Variants in CYP4A11 observed in about 807,000 individuals in gnomAD.
CYP4A11 encodes the protein cytochrome P450 family 4 subfamily A member 11.
A neutral mutation model predicts 57.7 loss-of-function variants in CYP4A11; 52 were observed. That is an observed-to-expected ratio of 0.90 (90% confidence interval 0.72 to 1.14). CYP4A11 has a LOEUF of 1.14. CYP4A11 is among the 50% of genes most tolerant of loss of function. The probability of loss-of-function intolerance (pLI) is 0.00; values close to 1 mark genes in which losing one functional copy is unlikely to be tolerated. For missense variants in CYP4A11, 641 were observed against 642.1 expected, an observed-to-expected ratio of 1.00 and a Z score of 0.02; for synonymous variants, 228 against 247.1, an observed-to-expected ratio of 0.92 and a Z score of 0.72.
intron 9 of CYP4A11, 30 bp downstream of exon 9, chr1:46,933,916 T>A (rs780003264): frequency 1.9e-6 from 3 of 1,612,198 alleles, no homozygotes; most frequent in Admixed American, 3.3e-5. Flanking sequence ...CTGTGGAGAG[T>A]TTAGGTGAGA....
In CYP4A11 at chr1:46,929,947, C is replaced by A. The variant is rs1200548898; in HGVS notation, c.*168G>T. On this transcript the variant is annotated 3_prime_UTR_variant, in exon 12 of 12. Transcript: ENST00000310638. ...TACAGGTGGGTAGGAGACAGGTAGA[C>A]AAGCAGGTAGGGAGCCTGGAGAAAG... is the stretch of plus-strand genomic sequence containing the variant. 6 of 959,912 alleles carry A rather than the reference C, an allele frequency of 6.3e-6. No homozygotes were observed. The highest frequency in any genetic ancestry group is 7.6e-6 in the Non-Finnish European group (5 of 659,144). 59.5% of individuals were successfully genotyped at this position (959,912 alleles called of 1,614,324 possible).
In CYP4A11 at chr1:46,929,809, A is replaced by G. The variant is rs1166117042; in HGVS notation, c.*306T>C. ...AGAGCTTGGTGTTCCAAAGGCCACAAGGGGTTTTAGACCCTGGATCCTGGA... is the reference window on the plus strand; with the variant it reads ...AGAGCTTGGTGTTCCAAAGGCCACAGGGGGTTTTAGACCCTGGATCCTGGA... On this transcript the variant is annotated 3_prime_UTR_variant, in exon 12 of 12. Transcript: ENST00000310638. The G allele has an allele frequency of 3.1e-5, 8 of 254,878 alleles. No homozygotes were observed. The highest frequency in any genetic ancestry group is 5.2e-5 in the Non-Finnish European group (7 of 134,940). 15.8% of individuals were successfully genotyped at this position (254,878 alleles called of 1,614,324 possible).
chr1:46,936,149 T>C (rs1681375215), intron 4 of CYP4A11, among the ~76,000 whole-genome samples: 1 of 152,212 alleles, frequency 6.6e-6, no homozygotes, highest in African/African-American at 2.4e-5. Context: ...GGGTGAGAAA[T>C]CAGAGTCCTG....
In CYP4A11 at chr1:46,930,751, C is replaced by T. The variant is rs1320698169; in HGVS notation, c.1365-441G>A. 2.6e-5 allele frequency among the ~76,000 whole-genome samples: 4 copies of T among 152,308 alleles called. No homozygotes were observed. The South Asian group carries it at 8.3e-4, about 32-fold the overall frequency. On this transcript the variant is annotated intron_variant, in intron 11 of 11. Coordinates refer to ENST00000310638, the MANE Select transcript of CYP4A11 (RefSeq NM_000778.4). ...GGTGCTTCCCATGTAGTGGGACACA[C>T]AGGGACCTGAATCCTCATAGGGGCC...
intron 6 of CYP4A11, 128 bp downstream of exon 6, chr1:46,934,872 G>T (rs1321332058): frequency 3.4e-6 from 5 of 1,477,334 alleles, no homozygotes; most frequent in Non-Finnish European, 4.5e-6. Context: ...CCTGAGCAAG[G>T]GAATTCCCCA....
In CYP4A11 at chr1:46,933,415, G is replaced by C. The variant is rs9333014; in HGVS notation, c.1223-368C>G. On this transcript the variant is annotated intron_variant, in intron 9 of 11. Transcript: ENST00000310638. ...ATTCTTTTGCTCTCAGTTTTCAGGG[G>C]AGATACCTGAATCTCAGAGAGACCA... 2.3e-3 allele frequency among the ~76,000 whole-genome samples: 354 copies of C among 152,282 alleles called. 1 individual carries two copies. The highest frequency in any genetic ancestry group is 8.1e-3 in the African/African-American group (335 of 41,562).
intron 11 of CYP4A11, chr1:46,931,602 T>C (rs1198500572): frequency 8.5e-6 from 6 of 703,888 alleles, no homozygotes; most frequent in Non-Finnish European, 8.7e-6. Context: ...GAGCTAGAAA[T>C]GGACCTTAGG....
At chr1:46,936,445 T>G (rs1446762323) in intron 4 of CYP4A11, among the ~76,000 whole-genome samples, 1 of 152,206 alleles carries the variant, frequency 6.6e-6, no homozygotes, top group Non-Finnish European at 1.5e-5. Context: ...GAATCTCTAT[T>G]CCTATGGTGG....
chr1:46,933,097 G>C (rs773693289), intron 9 of CYP4A11, 50 bp from the exon 10 acceptor site: 3 of 1,602,812 alleles, frequency 1.9e-6, no homozygotes, highest in South Asian at 2.3e-5. Context: ...TGCATGGGGT[G>C]GCCTGGTACT....
intron 1 of CYP4A11, among the ~76,000 whole-genome samples, chr1:46,938,845 T>C (rs571172118): frequency 1.0e-3 from 157 of 152,372 alleles, no homozygotes; most frequent in Non-Finnish European, 1.9e-3. Flanking sequence ...ACAAAGCCCT[T>C]GGCTTTCTGG....
intron 1 of CYP4A11, among the ~76,000 whole-genome samples, chr1:46,939,925 G>A (rs777662447): frequency 6.8e-6 from 1 of 146,674 alleles, no homozygotes; most frequent in Non-Finnish European, 1.5e-5. Flanking sequence ...CCCCACATTT[G>A]TTCTGCTCTG....
intron 3 of CYP4A11, 92 bp downstream of exon 3, chr1:46,937,210 G>A (rs1474885261): frequency 7.0e-7 from 1 of 1,429,774 alleles, no homozygotes; most frequent in African/African-American, 1.4e-5. Flanking sequence ...GGTCATGATA[G>A]TGGTGGCCTC....
In CYP4A11 at chr1:46,930,113, C is replaced by G. The variant is rs371275764; in HGVS notation, c.*2G>C. On this transcript the variant is annotated 3_prime_UTR_variant, in exon 12 of 12. Transcript: ENST00000310638. Reference sequence around the variant, plus strand: ...GGAAGACAGGACGGCAGGTGGAGGCCCTCAAAGCTGGTCCTTGTCTTCACA... The same window carrying G: ...GGAAGACAGGACGGCAGGTGGAGGCGCTCAAAGCTGGTCCTTGTCTTCACA... 1.1e-5 allele frequency: 17 copies of G among 1,607,474 alleles called. No homozygotes were observed. In the East Asian group the frequency reaches 3.8e-4, roughly 36 times the overall value.
Position 46,935,096 on chromosome 1 carries a change from C to T in CYP4A11, c.694G>A (p.Val232Met), listed in dbSNP as rs763609518. The change falls in exon 6 of 12, where the codon GTG (valine) becomes ATG (methionine). Residue 232 changes from valine (V) to methionine (M), a missense_variant. Physicochemically the swap from Val to Met is conservative, Grantham distance 21. Transcript: ENST00000310638. ...SDLNNLVFSR[V>M]RNAFHQNDTI... ...TCATTCTGGTGAAAGGCATTCCTCA[C>T]ACGGGAAAAAACCAGGTTGTTCAGG... The T allele has an allele frequency of 1.1e-5, 18 of 1,613,968 alleles. No individual in the cohort carries two copies. The South Asian group carries it at 1.4e-4, about 13-fold the overall frequency.
Position 46,934,246 on chromosome 1 carries a change from G to C in CYP4A11, c.1018C>G (p.His340Asp), listed in dbSNP as rs756765536. The C allele has an allele frequency of 8.7e-6, 14 of 1,613,696 alleles. 1 individual carries two copies. In the South Asian group the frequency reaches 1.4e-4, roughly 16 times the overall value. Reference protein sequence around the residue: ...ISWILYALATHPKHQERCREE... With the variant: ...ISWILYALATDPKHQERCREE... The stretch of plus-strand genomic sequence containing the variant: ...CGGCACCTCTCCTGATGCTTGGGGT[G>C]TGTGGCCAGAGCATAGAGGATCCAG... Residue 340 changes from histidine (H) to aspartate (D), a missense_variant, in exon 8 of 12, where the codon CAC becomes GAC. Coordinates refer to ENST00000310638, the MANE Select transcript of CYP4A11 (RefSeq NM_000778.4).
At chr1:46,931,878 A>G in intron 11 of CYP4A11, 1 of 951,290 alleles carries the variant, frequency 1.1e-6, no homozygotes, top group Non-Finnish European at 1.3e-6. Flanking sequence ...AATGATCTCC[A>G]CCGCAACCAT....
In CYP4A11 at chr1:46,935,097, A is replaced by T. The variant is rs773989921; in HGVS notation, c.693T>A (p.Arg231=). Residue 231 remains arginine (R), a synonymous_variant, in exon 6 of 12, where the codon CGT becomes CGA. Coordinates refer to ENST00000310638, the MANE Select transcript of CYP4A11 (RefSeq NM_000778.4). ...CATTCTGGTGAAAGGCATTCCTCAC[A>T]CGGGAAAAAACCAGGTTGTTCAGGT... ...ISDLNNLVFS[R]VRNAFHQNDT... 1 of 1,614,142 alleles carries T rather than the reference A, an allele frequency of 6.2e-7. No homozygotes were observed. Among genetic ancestry groups the T allele is most frequent in the Non-Finnish European group, 8.5e-7 (1 of 1,180,024 alleles).
In CYP4A11 at chr1:46,935,054, T is replaced by C. The variant is rs779145316; in HGVS notation, c.736A>G (p.Thr246Ala). 5.0e-6 allele frequency: 8 copies of C among 1,613,672 alleles called. No homozygotes were observed. The highest frequency in any genetic ancestry group is 1.1e-5 in the South Asian group (1 of 91,064). The change falls in exon 6 of 12, where the codon ACC (threonine) becomes GCC (alanine). Residue 246 changes from threonine (T) to alanine (A), a missense_variant. Thr to Ala is a moderately conservative substitution (Grantham distance 58, BLOSUM62 0). Transcript: ENST00000310638. ...CGGTGTGTCCAGCGGCCAGCAGAGG[T>C]CAGGCTGTAGATGGTGTCATTCTGG... The part of the protein sequence containing the change: ...FHQNDTIYSL[T>A]SAGRWTHRAC...
At chr1:46,931,605 A>C in intron 11 of CYP4A11, 1 of 699,118 alleles carries the variant, frequency 1.4e-6, no homozygotes, top group Non-Finnish European at 1.8e-6. Context: ...CTAGAAATGG[A>C]CCTTAGGAAT....
Sources: allele counts gnomAD v4.1 joint callset (sites outside exome capture counted in the v4.1 genomes callset), GRCh38; gene constraint gnomAD v4.1.1; transcripts MANE v1.5; gene names NCBI Gene and HGNC (gene_info 2026-07-23, HGNC 2026-07-21).